POLR3B: variants seen among roughly 807,000 people sequenced by gnomAD.
The protein encoded by POLR3B is DNA-directed RNA polymerase III subunit RPC2.
POLR3B carries 96 observed loss-of-function variants against 147.4 expected under a neutral mutation model. That is an observed-to-expected ratio of 0.65 (90% CI 0.55 to 0.77). The LOEUF (loss-of-function observed/expected upper bound fraction) is 0.77, where lower values mean the gene tolerates loss of function less well. POLR3B is among the 30% of genes least tolerant of loss of function. POLR3B has a pLI of 0.00. For synonymous variants in POLR3B, 461 were observed against 485.9 expected, an observed-to-expected ratio of 0.95 and a Z score of 0.67; for missense variants, 1,036 against 1,413.5, an observed-to-expected ratio of 0.73 and a Z score of 4.28.
At position 106,509,811 on chromosome 12, in the gene POLR3B, G is replaced by C; in HGVS notation, c.*262G>C. On this transcript the variant is annotated 3_prime_UTR_variant, in exon 28 of 28. Coordinates refer to ENST00000228347, the MANE Select transcript of POLR3B (RefSeq NM_018082.6). Reference sequence around the variant, plus strand: ...ATTCACAGATGGATGTGACCTAAAGGATAAATAAGCTATTACTTATGTGCT... The same window carrying C: ...ATTCACAGATGGATGTGACCTAAAGCATAAATAAGCTATTACTTATGTGCT... 2.5e-6 allele frequency: 1 copy of C among 399,870 alleles called. No individual in the cohort carries two copies. The highest frequency in any genetic ancestry group is 4.7e-6 in the Non-Finnish European group (1 of 210,790). 24.8% of individuals were successfully genotyped at this position (399,870 alleles called of 1,614,324 possible). A position where few individuals can be genotyped will look rare whatever the true frequency, so the allele number is the denominator to read the frequency against.
chr12:106,433,909 T>A, intron 16 of POLR3B, 37 bp downstream of exon 16: 1 of 1,533,680 alleles, frequency 6.5e-7, no homozygotes, highest in Non-Finnish European at 9.0e-7. Flanking sequence ...TTTTTAAGAA[T>A]CTCTTTATAT....
chr12:106,408,315 T>C (rs2037176972), intron 11 of POLR3B, among the ~76,000 whole-genome samples: 1 of 152,350 alleles, frequency 6.6e-6, no homozygotes, highest in Non-Finnish European at 1.5e-5. Context: ...GTGCTTGTCC[T>C]TGAGGGTGGG....
intron 1 of POLR3B, 151 bp downstream of exon 1, chr12:106,358,102 CT>C: frequency 2.0e-6 from 3 of 1,512,914 alleles, no homozygotes; most frequent in South Asian, 1.2e-5. Flanking sequence ...GCTTGCGAGT[CT>C]TTTTTCCAGA....
intron 9 of POLR3B, among the ~76,000 whole-genome samples, chr12:106,391,576 A>G (rs973643452): frequency 6.6e-6 from 1 of 152,252 alleles, no homozygotes. Flanking sequence ...TCAAATTTTT[A>G]GAATGCAGAC....
At chr12:106,437,373 C>T (rs961483691) in intron 17 of POLR3B, among the ~76,000 whole-genome samples, 1 of 152,104 alleles carries the variant, frequency 6.6e-6, no homozygotes, top group Non-Finnish European at 1.5e-5. Context: ...AAGAAAAGGA[C>T]TTACATCATG....
In POLR3B at chr12:106,504,342, T is replaced by A; in HGVS notation, c.3272+88T>A. 1 of 1,050,430 alleles carries A rather than the reference T, an allele frequency of 9.5e-7. No homozygotes were observed. Among genetic ancestry groups the A allele is most frequent in the Non-Finnish European group, 1.5e-6 (1 of 668,038 alleles). 65.1% of individuals were successfully genotyped at this position (1,050,430 alleles called of 1,614,324 possible). On this transcript the variant is annotated intron_variant, in intron 27 of 27. Coordinates refer to ENST00000228347, the MANE Select transcript of POLR3B (RefSeq NM_018082.6). This position sits in a 1 kb window ranked among gnomAD's most constrained non-coding sequence, Gnocchi z 4.6. ...TTGACCCTGGATCCTATCCGCATAT[T>A]CTCCAGCCTCTGTCTGTGATCACTA...
intron 23 of POLR3B, among the ~76,000 whole-genome samples, chr12:106,479,244 G>A (rs1382618883): frequency 6.6e-6 from 1 of 151,914 alleles, no homozygotes; most frequent in Admixed American, 6.5e-5. Context: ...CCAGATTGAT[G>A]CTCTAGTTTT....
chr12:106,476,065 G>A (rs199933414), intron 23 of POLR3B, among the ~76,000 whole-genome samples: 1 of 146,170 alleles, frequency 6.8e-6, no homozygotes, highest in East Asian at 2.0e-4. Flanking sequence ...AGGCCTGGTG[G>A]TGACAAAATC....
intron 9 of POLR3B, among the ~76,000 whole-genome samples, chr12:106,388,160 G>A (rs932745909): frequency 6.6e-6 from 1 of 152,060 alleles, no homozygotes; most frequent in Non-Finnish European, 1.5e-5. Flanking sequence ...CACTACAAAG[G>A]TTCTCCTGCC....
intron 12 of POLR3B, among the ~76,000 whole-genome samples, chr12:106,422,805 A>G (rs1043074511): frequency 6.6e-6 from 1 of 152,164 alleles, no homozygotes; most frequent in African/African-American, 2.4e-5. Flanking sequence ...GCTTTTCCAT[A>G]TAAATTTTGG....
At chr12:106,358,947 G>T (rs1420619631) in intron 1 of POLR3B, among the ~76,000 whole-genome samples, 2 of 152,224 alleles carry the variant, frequency 1.3e-5, no homozygotes, top group African/African-American at 4.8e-5. Flanking sequence ...TCCTTGGCTA[G>T]GCGTGGTGGC....
intron 24 of POLR3B, 196 bp from the exon 25 acceptor site, chr12:106,496,556 G>A (rs1036103327): frequency 1.6e-5 from 10 of 615,450 alleles, no homozygotes; most frequent in Non-Finnish European, 8.6e-6. Flanking sequence ...TCTGTAAAAT[G>A]AAGAAATATA....
At chr12:106,457,825 A>G (rs1050648424) in intron 21 of POLR3B, among the ~76,000 whole-genome samples, 11 of 152,232 alleles carry the variant, frequency 7.2e-5, no homozygotes, top group Non-Finnish European at 1.3e-4. Context: ...TTTTATAGCA[A>G]GAGAATTTGA....
intron 23 of POLR3B, among the ~76,000 whole-genome samples, chr12:106,464,318 C>T (rs1302587517): frequency 1.3e-5 from 2 of 152,222 alleles, no homozygotes; most frequent in African/African-American, 4.8e-5. Context: ...AGAAGAACAA[C>T]AGCTAACACT....
At chr12:106,405,565 C>T (rs2037139865) in intron 10 of POLR3B, among the ~76,000 whole-genome samples, 1 of 151,730 alleles carries the variant, frequency 6.6e-6, no homozygotes, top group Non-Finnish European at 1.5e-5. Context: ...CACACACACA[C>T]ACACACACAC....
chr12:106,495,808 C>A (rs2038471338), intron 23 of POLR3B: 3 of 631,680 alleles, frequency 4.7e-6, no homozygotes, highest in East Asian at 5.4e-5. Flanking sequence ...GGCAGCCCAA[C>A]AGCACCATTG....
intron 10 of POLR3B, among the ~76,000 whole-genome samples, chr12:106,401,787 A>C (rs996379086): frequency 1.3e-5 from 2 of 152,212 alleles, no homozygotes; most frequent in African/African-American, 4.8e-5. Context: ...ACTCTCAATA[A>C]ATTAGGTATT....
Position 106,389,613 on chromosome 12 carries a change from TA to T in POLR3B, c.724-3416del, listed in dbSNP as rs1373065135. Among the ~76,000 whole-genome samples the T allele has an allele frequency of 2.6e-5, 4 of 151,944 alleles. No homozygotes were observed. The South Asian group carries it at 8.3e-4, about 32-fold the overall frequency. ...TTTAGGATTTCAGGTTTTTTTTTTT[TA>T]ATTTTGGAATATTGGCATTGTCCTT... is the stretch of plus-strand genomic sequence containing the variant. On this transcript the variant is annotated intron_variant, in intron 9 of 27. Coordinates refer to ENST00000228347, the MANE Select transcript of POLR3B (RefSeq NM_018082.6).
chr12:106,373,385 G>C (rs148722703), intron 6 of POLR3B, among the ~76,000 whole-genome samples: 1 of 152,036 alleles, frequency 6.6e-6, no homozygotes, highest in African/African-American at 2.4e-5. Flanking sequence ...TATTTTGTCT[G>C]CTCTTAGCAT....
Sources: gnomAD v4.1 joint callset for allele counts (sites outside exome capture counted in the v4.1 genomes callset) on GRCh38, gnomAD v4.1.1 for gene constraint, Gnocchi (gnomAD v3.1) non-coding constraint, MANE v1.5 for transcripts, NCBI Gene and HGNC (gene_info 2026-07-23, HGNC 2026-07-21) for gene names.